Variants in TTC39A observed in about 807,000 individuals in gnomAD.
TTC39A encodes the protein tetratricopeptide repeat protein 39A.
Under a neutral mutation model 82.3 loss-of-function variants are expected in TTC39A, and 46 were observed. The observed-to-expected ratio is 0.56, with a 90% CI of 0.44 to 0.71. The LOEUF is 0.71. TTC39A is among the 30% of genes least tolerant of loss of function. The pLI, the probability that TTC39A is intolerant of heterozygous loss-of-function variation, is 0.00. For synonymous variants in TTC39A, 254 were observed against 275.2 expected (o/e 0.92, Z 0.76); for missense variants, 543 against 712.9 (o/e 0.76, Z 2.71).
chr1:51,296,035 C>G, intron 13 of TTC39A, 44 bp downstream of exon 13: 2 of 1,547,518 alleles, frequency 1.3e-6, no homozygotes, highest in Non-Finnish European at 1.8e-6. Flanking sequence ...GCGGCCTACA[C>G]GGTGGGAGTG....
chr1:51,342,467 T>C lies in TTC39A; in HGVS notation c.53+2524A>G, dbSNP rs1018156833. ...CTGAGGAAACTGAGGCTCACACAGATCAAACAATGAATCAATGTCAAAGAG... is the reference window on the plus strand; with the variant it reads ...CTGAGGAAACTGAGGCTCACACAGACCAAACAATGAATCAATGTCAAAGAG... On this transcript the variant is annotated intron_variant, in intron 1 of 5. Coordinates refer to the TTC39A transcript ENST00000401051. 2.4e-4 allele frequency among the ~76,000 whole-genome samples: 37 copies of C among 152,124 alleles called. 1 individual carries two copies. Among genetic ancestry groups the C allele is most frequent in the African/African-American group, 8.9e-4 (37 of 41,490 alleles).
chr1:51,330,876 C>T (rs1310936113), upstream of TTC39A: 2 of 572,976 alleles, frequency 3.5e-6, no homozygotes, highest in Non-Finnish European at 6.2e-6. The surrounding 1 kb of genome is among the most constrained non-coding windows in gnomAD (Gnocchi z 4.5). Flanking sequence ...CCACAGCTTC[C>T]GCCCCGAAGC....
At chr1:51,330,564 C>A (rs1645877393), upstream of TTC39A, 3 of 982,486 alleles carry the variant, frequency 3.1e-6, no homozygotes, top group Non-Finnish European at 3.6e-6. This position sits in a 1 kb window ranked among gnomAD's most constrained non-coding sequence, Gnocchi z 4.5. Context: ...GGGCGCTGTG[C>A]GGTCGCGGAC....
chr1:51,316,677 A>AGTT (rs1033446660), intron 2 of TTC39A, among the ~76,000 whole-genome samples: 6 of 152,010 alleles, frequency 3.9e-5, no homozygotes, highest in African/African-American at 1.4e-4. Context: ...TCCCTGCAAC[A>AGTT]CCACCTGGCC....
In TTC39A at chr1:51,312,175, A is replaced by G. The variant is rs775832499; in HGVS notation, c.299T>C (p.Val100Ala). Residue 100 changes from valine to alanine, a missense_variant, in exon 4 of 18, where the codon GTA becomes GCA. Transcript: ENST00000680483. ...LCQRHRRKSS[V>A]TDSFSSLVNR... is the part of the protein sequence containing the mutation. ...CACCAGGCTGCTGAAGGAATCTGTT[A>G]CAGAAGACTTCCTCCGGTGCCTGAA... is the stretch of plus-strand genomic sequence containing the variant. The G allele has an allele frequency of 5.0e-6, 8 of 1,610,014 alleles. No homozygotes were observed. The highest frequency in any genetic ancestry group is 8.5e-7 in the Non-Finnish European group (1 of 1,178,372).
rs532261608 is a variant in TTC39A at position 51,306,365 on chromosome 1, C to T, written c.489-289G>A. Among the ~76,000 whole-genome samples, 51 of 152,304 alleles carry T rather than the reference C, an allele frequency of 3.3e-4. No individual in the cohort carries two copies. The South Asian group carries it at 3.9e-3, about 12-fold the overall frequency. ...ATCTAAAAGAGGTTTTCTCAGCCTC[C>T]GCGCTACTGACATTTTGGGCTGGAT... On this transcript the variant is annotated intron_variant, in intron 6 of 17. Coordinates refer to ENST00000680483, the MANE Select transcript of TTC39A (RefSeq NM_001297663.2).
intron 2 of TTC39A, among the ~76,000 whole-genome samples, chr1:51,315,397 G>A (rs978650153): frequency 8.5e-5 from 13 of 152,178 alleles, no homozygotes; most frequent in Middle Eastern, 3.2e-3. Flanking sequence ...CATCTAGGCC[G>A]CTAGTCCCCT....
At chr1:51,289,799 A>C (rs1256370571) in intron 16 of TTC39A, among the ~76,000 whole-genome samples, 1 of 152,148 alleles carries the variant, frequency 6.6e-6, no homozygotes, top group East Asian at 1.9e-4. Context: ...TAGTCAGGCA[A>C]TTTGGTGGCA....
chr1:51,289,436 A>C (rs551122686), intron 16 of TTC39A, among the ~76,000 whole-genome samples: 1 of 151,830 alleles, frequency 6.6e-6, no homozygotes, highest in Non-Finnish European at 1.5e-5. Context: ...GCAGGTAAAG[A>C]CCCCATCACC....
intron 1 of TTC39A, among the ~76,000 whole-genome samples, chr1:51,339,534 C>T (rs1646010954): frequency 6.6e-6 from 1 of 152,180 alleles, no homozygotes. Flanking sequence ...AGTGGATGTT[C>T]TACAGGAAGG....
intron 1 of TTC39A, among the ~76,000 whole-genome samples, chr1:51,338,684 C>A (rs1646002218): frequency 6.7e-6 from 1 of 148,608 alleles, no homozygotes; most frequent in Non-Finnish European, 1.5e-5. Context: ...CTCACTGCAA[C>A]CTCCACCTCC....
intron 12 of TTC39A, chr1:51,300,221 C>T (rs1022795901): frequency 1.3e-5 from 2 of 152,278 alleles, no homozygotes; most frequent in South Asian, 4.1e-4. Flanking sequence ...ATAATAACTT[C>T]TCCTCACTGG....
Position 51,321,725 on chromosome 1 carries a change from G to C in TTC39A, c.142C>G (p.Pro48Ala), listed in dbSNP as rs1348730301. 1 of 1,613,844 alleles carries C rather than the reference G, an allele frequency of 6.2e-7. No homozygotes were observed. The highest frequency in any genetic ancestry group is 1.1e-5 in the South Asian group (1 of 91,012). ...CAACCGGGGCTTGAGCCTCACCTGG[G>C]CTTGAGGTAGCTGAGTGCTTCTGAG... is the stretch of plus-strand genomic sequence containing the variant. ...QFSEALSYLK[P>A]RTKESMYHSL... Residue 48 changes from proline (P) to alanine (A), a missense_variant, in exon 2 of 18, where the codon CCC becomes GCC. By Grantham distance (27) the Pro-to-Ala change is conservative. Coordinates refer to ENST00000680483, the MANE Select transcript of TTC39A (RefSeq NM_001297663.2). This position sits in a 1 kb window ranked among gnomAD's most constrained non-coding sequence, Gnocchi z 4.6.
At chr1:51,299,149 C>T (rs1279678312) in intron 12 of TTC39A, 1 of 152,190 alleles carries the variant, frequency 6.6e-6, no homozygotes, top group African/African-American at 2.4e-5. Context: ...TTACTTAGGC[C>T]TCGGAACCTG....
chr1:51,320,401 T>C (rs1224390411), intron 2 of TTC39A, among the ~76,000 whole-genome samples: 1 of 139,500 alleles, frequency 7.2e-6, no homozygotes, highest in Non-Finnish European at 1.5e-5. Flanking sequence ...CTTTTCTTTT[T>C]TTCTTTTTCT....
At chr1:51,305,529 C>G in intron 7 of TTC39A, 1 of 307,504 alleles carries the variant, frequency 3.3e-6, no homozygotes, top group South Asian at 3.5e-5. Flanking sequence ...ATGCTCACCC[C>G]CTCCCGTAGG....
intron 7 of TTC39A, chr1:51,305,530 C>G (rs1351344700): frequency 9.7e-6 from 3 of 308,280 alleles, no homozygotes; most frequent in Non-Finnish European, 1.2e-5. Context: ...TGCTCACCCC[C>G]TCCCGTAGGA....
chr1:51,324,423 T>C (rs533108815), intron 1 of TTC39A, among the ~76,000 whole-genome samples: 1 of 152,328 alleles, frequency 6.6e-6, no homozygotes, highest in African/African-American at 2.4e-5. Flanking sequence ...TTGCTGTGGC[T>C]TCATCTTGTT....
intron 1 of TTC39A, among the ~76,000 whole-genome samples, chr1:51,342,357 G>A (rs560802471): frequency 6.6e-6 from 1 of 152,108 alleles, no homozygotes; most frequent in Non-Finnish European, 1.5e-5. Flanking sequence ...AGTGAACACC[G>A]AATATGCCCC....
Sources: allele counts gnomAD v4.1 joint callset (sites outside exome capture counted in the v4.1 genomes callset), GRCh38; gene constraint gnomAD v4.1.1; non-coding constraint Gnocchi (gnomAD v3.1); transcripts MANE v1.5; gene names NCBI Gene and HGNC (gene_info 2026-07-23, HGNC 2026-07-21).